Variants in IQGAP2 observed in about 807,000 individuals in gnomAD.
IQGAP2 encodes IQ motif containing GTPase activating protein 2.
A neutral mutation model predicts 201.3 loss-of-function variants in IQGAP2; 173 were observed. The observed-to-expected ratio is 0.86, with a 90% CI of 0.76 to 0.98. The LOEUF (loss-of-function observed/expected upper bound fraction) is 0.98. Ranked by LOEUF, IQGAP2 falls within the 50% of genes least tolerant of loss-of-function variation. The probability of loss-of-function intolerance (pLI) is 0.00; values close to 1 mark genes in which losing one functional copy is unlikely to be tolerated. For missense variants in IQGAP2, 1,687 were observed against 1,864.8 expected (o/e 0.90, Z 1.76); for synonymous variants, 675 against 673.9 (o/e 1.00, Z -0.03).
chr5:76,589,804 G>A lies in IQGAP2; in HGVS notation c.640+76G>A, dbSNP rs111745675. On this transcript the variant is annotated intron_variant, in intron 7 of 35. Transcript: ENST00000274364. Reference sequence around the variant, plus strand: ...CTTTACCTATTGATTTTGATTACTCGAAATAGAATATTTAGAAGATACTTT... The same window carrying A: ...CTTTACCTATTGATTTTGATTACTCAAAATAGAATATTTAGAAGATACTTT... The A allele has an allele frequency of 4.1e-5, 28 of 687,924 alleles. 1 individual carries two copies. The highest frequency in any genetic ancestry group is 1.1e-4 in the South Asian group (4 of 37,920). 42.6% of individuals were successfully genotyped at this position (687,924 alleles called of 1,614,324 possible).
chr5:76,460,864 T>TC (rs1272201281), intron 1 of IQGAP2, among the ~76,000 whole-genome samples: 22 of 71,790 alleles, frequency 3.1e-4, no homozygotes, highest in African/African-American at 8.3e-4. Flanking sequence ...ACACTGCTTT[T>TC]TTTTTTTTTT....
intron 2 of IQGAP2, among the ~76,000 whole-genome samples, chr5:76,498,107 A>C (rs1235693646): frequency 6.6e-6 from 1 of 152,246 alleles, no homozygotes; most frequent in Admixed American, 6.5e-5. Flanking sequence ...TCACAATAGT[A>C]AGAGCAAAAA....
At chr5:76,422,071 A>G (rs1342528938) in intron 1 of IQGAP2, among the ~76,000 whole-genome samples, 1 of 152,200 alleles carries the variant, frequency 6.6e-6, no homozygotes, top group Admixed American at 6.5e-5. Context: ...TGTTTAGACA[A>G]TTCCAATACA....
At chr5:76,624,382 A>G (rs1210155125) in intron 13 of IQGAP2, 1 of 152,312 alleles carries the variant, frequency 6.6e-6, no homozygotes, top group East Asian at 1.9e-4. Context: ...GAAAATACAA[A>G]TTTCACATGA....
intron 28 of IQGAP2, among the ~76,000 whole-genome samples, chr5:76,681,739 A>G (rs1745321873): frequency 6.6e-6 from 1 of 152,178 alleles, no homozygotes; most frequent in Non-Finnish European, 1.5e-5. Flanking sequence ...TAACAGTTCC[A>G]CTTCTGGAAG....
chr5:76,676,123 A>ACACACACAC (rs1744795822), intron 27 of IQGAP2, among the ~76,000 whole-genome samples: 1 of 150,024 alleles, frequency 6.7e-6, no homozygotes, highest in African/African-American at 2.5e-5. Context: ...ACACACACAC[A>ACACACACAC]AAGTAATATC....
rs758320677 is a variant in IQGAP2 at position 76,702,533 on chromosome 5, C to G, written c.4557C>G (p.Phe1519Leu). 9.4e-6 allele frequency: 15 copies of G among 1,601,110 alleles called. No homozygotes were observed. The East Asian group carries it at 3.3e-4, about 36-fold the overall frequency. ...TAGCTACTGAAGATGTAGGCATTTT[C>G]GATGTAAGATCAAAATTCCTTGGTG... ...DIIATEDVGI[F>L]DVRSKFLGVE... The change falls in exon 35 of 36, where the codon TTC becomes TTG. Residue 1519 changes from phenylalanine (F) to leucine (L), a missense_variant. Transcript: ENST00000274364.
At chr5:76,699,304 T>C (rs1411494200) in intron 33 of IQGAP2, 1 of 152,204 alleles carries the variant, frequency 6.6e-6, no homozygotes, top group African/African-American at 2.4e-5. Flanking sequence ...ATTTCTTTGT[T>C]TTAGGGCCGA....
intron 1 of IQGAP2, among the ~76,000 whole-genome samples, chr5:76,412,920 G>C (rs886257661): frequency 1.3e-5 from 2 of 152,132 alleles, no homozygotes; most frequent in Admixed American, 6.5e-5. Context: ...AGGATTAAAT[G>C]ATTTAATAGA....
intron 1 of IQGAP2, among the ~76,000 whole-genome samples, chr5:76,449,130 A>AT (rs1753582338): frequency 6.6e-6 from 1 of 152,208 alleles, no homozygotes; most frequent in African/African-American, 2.4e-5. Flanking sequence ...AGCTGTGTCC[A>AT]TAAAACAGAG....
intron 7 of IQGAP2, among the ~76,000 whole-genome samples, chr5:76,590,090 C>T (rs565488547): frequency 6.6e-6 from 1 of 152,288 alleles, no homozygotes; most frequent in South Asian, 2.1e-4. Context: ...TTAAAATTAC[C>T]CATGTCGCCC....
chr5:76,643,939 G>A (rs899591601), intron 17 of IQGAP2, among the ~76,000 whole-genome samples: 2 of 151,906 alleles, frequency 1.3e-5, no homozygotes, highest in Non-Finnish European at 2.9e-5. Flanking sequence ...TTACCTTTGA[G>A]GAGAGGGAGA....
At chr5:76,664,896 A>C (rs1743606926) in intron 21 of IQGAP2, 130 bp from the exon 22 acceptor site, 1 of 614,186 alleles carries the variant, frequency 1.6e-6, no homozygotes, top group Non-Finnish European at 2.9e-6. Context: ...TGTGAAGCAC[A>C]GTAAAGCAAT....
At chr5:76,566,371 G>A (rs1228355543) in intron 3 of IQGAP2, among the ~76,000 whole-genome samples, 3 of 152,198 alleles carry the variant, frequency 2.0e-5, no homozygotes, top group Non-Finnish European at 4.4e-5. Flanking sequence ...GTGCAGTCAA[G>A]GGTGGGCACT....
At chr5:76,528,360 A>C (rs1759087872) in intron 2 of IQGAP2, among the ~76,000 whole-genome samples, 1 of 151,682 alleles carries the variant, frequency 6.6e-6, no homozygotes, top group Admixed American at 6.6e-5. Flanking sequence ...ATTCTGCTCT[A>C]TTTTATATAT....
At chr5:76,481,900 T>G (rs1193046812) in intron 2 of IQGAP2, among the ~76,000 whole-genome samples, 2 of 152,196 alleles carry the variant, frequency 1.3e-5, no homozygotes, top group Non-Finnish European at 2.9e-5. Flanking sequence ...AGGGATCTTC[T>G]GATTATTCCA....
intron 1 of IQGAP2, among the ~76,000 whole-genome samples, chr5:76,404,227 G>A (rs1750673878): frequency 6.6e-6 from 1 of 152,098 alleles, no homozygotes; most frequent in African/African-American, 2.4e-5. Context: ...TGGAGAGGAC[G>A]CGGCACTAGG....
chr5:76,537,282 C>T (rs968774083), intron 2 of IQGAP2, among the ~76,000 whole-genome samples: 21 of 152,030 alleles, frequency 1.4e-4, no homozygotes, highest in African/African-American at 4.6e-4. Context: ...AAGGCCTGTC[C>T]GGAATAGTAT....
At chr5:76,696,418 G>A (rs1580845356) in intron 32 of IQGAP2, among the ~76,000 whole-genome samples, 2 of 152,190 alleles carry the variant, frequency 1.3e-5, no homozygotes, top group Admixed American at 1.3e-4. Context: ...GAAACTTCCT[G>A]AGCAAAGGAT....
Sources: allele counts gnomAD v4.1 joint callset (sites outside exome capture counted in the v4.1 genomes callset), GRCh38; gene constraint gnomAD v4.1.1; transcripts MANE v1.5; gene names NCBI Gene and HGNC (gene_info 2026-07-23, HGNC 2026-07-21).